Variants in TTLL7 observed in about 807,000 individuals in gnomAD.
TTLL7 encodes the protein tubulin tyrosine ligase like 7.
TTLL7 carries 53 observed loss-of-function variants against 120.2 expected under a neutral mutation model. The ratio of observed to expected loss-of-function variants is 0.44; its 90% CI spans 0.35 to 0.55. TTLL7 has a LOEUF of 0.55. Among genes scored for constraint, TTLL7 ranks in the 20% least tolerant of loss-of-function variants. The pLI is 0.00. For missense variants in TTLL7, 803 were observed against 1,054.7 expected (o/e 0.76, Z 3.31); for synonymous variants, 353 against 351.7 (o/e 1.00, Z -0.04).
At chr1:83,905,363 T>C (rs1371218560) in intron 17 of TTLL7, among the ~76,000 whole-genome samples, 1 of 151,790 alleles carries the variant, frequency 6.6e-6, no homozygotes, top group Admixed American at 6.6e-5. Flanking sequence ...ATGGGTGTTT[T>C]TTAGCAAGAA....
intron 1 of TTLL7, among the ~76,000 whole-genome samples, chr1:83,972,356 T>C (rs1409603597): frequency 1.3e-5 from 2 of 152,100 alleles, no homozygotes; most frequent in African/African-American, 4.8e-5. Context: ...GTTGGAATCA[T>C]ACAATATGTA....
Position 83,949,904 on chromosome 1 carries a change from A to G in TTLL7, c.240T>C (p.Ala80=). 5 of 1,613,820 alleles carry G rather than the reference A, an allele frequency of 3.1e-6. No individual in the cohort carries two copies. The highest frequency in any genetic ancestry group is 4.2e-6 in the Non-Finnish European group (5 of 1,179,946). The change falls in exon 4 of 21, where the codon GCT becomes GCC. Residue 80 remains alanine (A), a synonymous_variant. Transcript: ENST00000260505. ...ETSNLIWCDS[A]VQQEKISELQ... is the part of the protein sequence containing the mutation. Reference sequence around the variant, plus strand: ...GCTCTGAAATTTTCTCCTGCTGAACAGCAGAATCACACCATATAAGATTAC... The same window carrying G: ...GCTCTGAAATTTTCTCCTGCTGAACGGCAGAATCACACCATATAAGATTAC...
chr1:83,980,108 A>G (rs1254770443), intron 1 of TTLL7: 1 of 152,222 alleles, frequency 6.6e-6, no homozygotes, highest in Non-Finnish European at 1.5e-5. Flanking sequence ...GTGAGAATTT[A>G]CCAAATCCCA....
At chr1:83,910,934 G>A (rs1033227244) in intron 15 of TTLL7, among the ~76,000 whole-genome samples, 4 of 151,990 alleles carry the variant, frequency 2.6e-5, no homozygotes, top group East Asian at 1.9e-4. Context: ...TAACAAAAAC[G>A]ATGAAATATA....
chr1:83,940,176 A>G (rs1225394094), intron 7 of TTLL7, among the ~76,000 whole-genome samples: 1 of 152,096 alleles, frequency 6.6e-6, no homozygotes, highest in Non-Finnish European at 1.5e-5. Flanking sequence ...TCTCTCTTTG[A>G]GATTAATCCC....
chr1:83,904,566 T>C (rs186408093), intron 17 of TTLL7, among the ~76,000 whole-genome samples: 20 of 152,130 alleles, frequency 1.3e-4, no homozygotes, highest in African/African-American at 4.6e-4. Flanking sequence ...ATCCAGGAGG[T>C]GGAGGTTGCA....
At chr1:83,932,672 C>T (rs1342761577) in intron 9 of TTLL7, among the ~76,000 whole-genome samples, 1 of 152,060 alleles carries the variant, frequency 6.6e-6, no homozygotes, top group African/African-American at 2.4e-5. Context: ...ATTTAATTTG[C>T]TTATGCAAAC....
chr1:83,974,766 A>G (rs1411186184), intron 1 of TTLL7, among the ~76,000 whole-genome samples: 2 of 152,070 alleles, frequency 1.3e-5, no homozygotes, highest in East Asian at 3.8e-4. Context: ...AAATTGACCT[A>G]TTTATCTTTG....
intron 19 of TTLL7, among the ~76,000 whole-genome samples, chr1:83,889,301 A>G (rs555625641): frequency 6.6e-6 from 1 of 152,124 alleles, no homozygotes; most frequent in East Asian, 1.9e-4. Flanking sequence ...TGATTCAATT[A>G]CCTCCCACCA....
intron 18 of TTLL7, among the ~76,000 whole-genome samples, chr1:83,903,098 C>T (rs78386684): frequency 5.9e-5 from 9 of 152,020 alleles, no homozygotes; most frequent in East Asian, 5.8e-4. Context: ...CAAAATTTCC[C>T]GTGGTTCCTC....
In TTLL7 at chr1:83,881,422, G is replaced by A. The variant is rs1169715469; in HGVS notation, c.2543+1541C>T. 1.3e-4 allele frequency among the ~76,000 whole-genome samples: 19 copies of A among 150,820 alleles called. 1 individual carries two copies. The highest frequency in any genetic ancestry group is 4.4e-4 in the African/African-American group (18 of 41,228). On this transcript the variant is annotated intron_variant, in intron 20 of 20. Coordinates refer to ENST00000260505, the MANE Select transcript of TTLL7 (RefSeq NM_024686.6). The stretch of plus-strand genomic sequence containing the variant: ...AAAAAACAACCCCATCAAAAAGTGG[G>A]CAAAGGACATGAACAGACACTTCTC...
chr1:83,946,903 C>A (rs1648558768), intron 6 of TTLL7, among the ~76,000 whole-genome samples: 1 of 152,134 alleles, frequency 6.6e-6, no homozygotes, highest in African/African-American at 2.4e-5. Flanking sequence ...TTCAAAGCCT[C>A]ACAACCTGCT....
At position 83,884,143 on chromosome 1, in the gene TTLL7, A is replaced by G. The variant is rs554292546; in HGVS notation, c.2370-1007T>C. 7.3e-3 allele frequency among the ~76,000 whole-genome samples: 1,111 copies of G among 151,842 alleles called. 11 individuals carry two copies. Among genetic ancestry groups the G allele is most frequent in the African/African-American group, 0.025 (1,055 of 41,448 alleles). On this transcript the variant is annotated intron_variant, in intron 19 of 20. Coordinates refer to ENST00000260505, the MANE Select transcript of TTLL7 (RefSeq NM_024686.6). Reference sequence around the variant, plus strand: ...TCCACCAGTAGGGAGGGAGGGAGAGAGAGAGAGAGAGAGGGAGAGAGAGAG... The same window carrying G: ...TCCACCAGTAGGGAGGGAGGGAGAGGGAGAGAGAGAGAGGGAGAGAGAGAG...
At chr1:83,872,437 A>G (rs1653514279) in intron 20 of TTLL7, among the ~76,000 whole-genome samples, 1 of 152,220 alleles carries the variant, frequency 6.6e-6, no homozygotes, top group Non-Finnish European at 1.5e-5. Context: ...ATTCTCTGCC[A>G]TGAAAAGGCT....
chr1:83,991,162 A>G (rs984029017), intron 1 of TTLL7, among the ~76,000 whole-genome samples: 1 of 152,172 alleles, frequency 6.6e-6, no homozygotes, highest in African/African-American at 2.4e-5. Context: ...AGAAACATAA[A>G]GTAGAATAGT....
intron 12 of TTLL7, 90 bp downstream of exon 12, chr1:83,920,997 C>T (rs960818359): frequency 8.0e-6 from 11 of 1,370,562 alleles, no homozygotes; most frequent in Non-Finnish European, 1.1e-5. Context: ...AAGAAAAATG[C>T]TTAAAATAAG....
intron 20 of TTLL7, 139 bp from the exon 21 acceptor site, chr1:83,870,221 C>T (rs1227524526): frequency 2.1e-5 from 16 of 754,394 alleles, no homozygotes; most frequent in Non-Finnish European, 3.1e-5. Context: ...AAAAAGATTT[C>T]CTCCTCCAGA....
chr1:83,885,027 C>G (rs963726057), intron 19 of TTLL7: 1 of 254,200 alleles, frequency 3.9e-6, no homozygotes, highest in Admixed American at 6.5e-5. Flanking sequence ...ATGACACATA[C>G]GTGTTTATCA....
chr1:83,930,220 A>G (rs1019309461), intron 9 of TTLL7, among the ~76,000 whole-genome samples: 2 of 152,160 alleles, frequency 1.3e-5, no homozygotes, highest in African/African-American at 4.8e-5. Context: ...CATATTTAAA[A>G]TATTCATTTT....
Sources: gnomAD v4.1 joint callset for allele counts (sites outside exome capture counted in the v4.1 genomes callset) on GRCh38, gnomAD v4.1.1 for gene constraint, MANE v1.5 for transcripts, NCBI Gene and HGNC (gene_info 2026-07-23, HGNC 2026-07-21) for gene names.